Variants in DNMT1 observed in about 807,000 individuals in gnomAD.
DNMT1 encodes DNA (cytosine-5)-methyltransferase 1.
Under a neutral mutation model 205.3 loss-of-function variants are expected in DNMT1, and 24 were observed. The observed-to-expected ratio is 0.12, with a 90% CI of 0.08 to 0.16. The LOEUF is 0.16. Among genes scored for constraint, DNMT1 ranks in the 10% least tolerant of loss-of-function variants. The pLI is 1.00. For synonymous variants in DNMT1, 817 were observed against 839.8 expected, an observed-to-expected ratio of 0.97 and a Z score of 0.47; for missense variants, 1,293 against 2,177.7, an observed-to-expected ratio of 0.59 and a Z score of 8.09.
chr19:10,186,636 C>G (rs532655086), intron 1 of DNMT1, among the ~76,000 whole-genome samples: 1 of 151,662 alleles, frequency 6.6e-6, no homozygotes, highest in African/African-American at 2.4e-5. Flanking sequence ...GTCAGGAGTT[C>G]GAGACCAGCC....
chr19:10,163,888 C>CTA (rs138245654), intron 11 of DNMT1, among the ~76,000 whole-genome samples: 2,324 of 151,460 alleles, frequency 0.015, 25 homozygotes, highest in South Asian at 0.048. Flanking sequence ...GCAAAATATA[C>CTA]TATATATATA....
At position 10,143,785 on chromosome 19, in the gene DNMT1, G is replaced by T. The variant is rs144533539; in HGVS notation, c.3097C>A (p.Arg1033=). 1 of 1,614,126 alleles carries T rather than the reference G, an allele frequency of 6.2e-7. No individual in the cohort carries two copies. The highest frequency in any genetic ancestry group is 1.1e-5 in the South Asian group (1 of 91,078). ...GCTGACCTGTAGAACTTGTTGACCC[G>T]GATTTTGATGTCAGTCTCATTGGGC... ...GRPNETDIKI[R]VNKFYRPENT... is the part of the protein sequence containing the mutation. The change falls in exon 29 of 41, where the codon CGG becomes AGG. Residue 1033 remains arginine (R), a synonymous_variant. Transcript: ENST00000359526.
chr19:10,185,116 T>C (rs1252345862), intron 1 of DNMT1, among the ~76,000 whole-genome samples: 1 of 152,164 alleles, frequency 6.6e-6, no homozygotes, highest in Non-Finnish European at 1.5e-5. Context: ...CCTGACTTGC[T>C]GTGTGGTTAG....
intron 2 of DNMT1, 65 bp from the exon 3 acceptor site, chr19:10,180,950 A>G: frequency 1.5e-6 from 2 of 1,346,358 alleles, no homozygotes; most frequent in South Asian, 2.4e-5. Flanking sequence ...GGACTAATAC[A>G]CAAATTATTG....
At chr19:10,162,612 G>A (rs1357892456) in intron 13 of DNMT1, 55 bp downstream of exon 13, 34 of 1,510,994 alleles carry the variant, frequency 2.3e-5, no homozygotes, top group Middle Eastern at 1.8e-4. Flanking sequence ...GCGAAACCCC[G>A]TCTTGGGGAA....
At position 10,137,679 on chromosome 19, in the gene DNMT1, G is replaced by GA. The variant is rs1264275028; in HGVS notation, c.4293+152dup. On this transcript the variant is annotated intron_variant, in intron 36 of 40. Transcript: ENST00000359526. This position sits in a 1 kb window ranked among gnomAD's most constrained non-coding sequence, Gnocchi z 6.4. ...TCTGACACTTCCCATGACCATGCAAGAGAGACCAGGGGTCACACAAAGGCT... is the reference window on the plus strand; with the variant it reads ...TCTGACACTTCCCATGACCATGCAAGAAGAGACCAGGGGTCACACAAAGGCT... The GA allele has an allele frequency of 3.6e-6, 4 of 1,104,070 alleles. No individual in the cohort carries two copies. Among genetic ancestry groups the GA allele is most frequent in the Non-Finnish European group, 5.3e-6 (4 of 755,944 alleles). The allele number at this position is 1,104,070 out of a possible 1,614,324, so 68.4% of individuals were successfully genotyped here. A position where few individuals can be genotyped will look rare whatever the true frequency, so the allele number is the denominator to read the frequency against.
At chr19:10,144,041 G>A in intron 28 of DNMT1, 54 bp from the exon 29 acceptor site, 1 of 1,568,702 alleles carries the variant, frequency 6.4e-7, no homozygotes, top group African/African-American at 1.4e-5. Context: ...GCAGTGGTCA[G>A]TCAGGCATGA....
intron 1 of DNMT1, among the ~76,000 whole-genome samples, chr19:10,194,333 C>G (rs559762834): frequency 6.6e-6 from 1 of 152,306 alleles, no homozygotes; most frequent in South Asian, 2.1e-4. Flanking sequence ...TCGAGATGCA[C>G]AGCTTTGGGG....
chr19:10,189,828 A>G (rs956706134), intron 1 of DNMT1, among the ~76,000 whole-genome samples: 1 of 152,010 alleles, frequency 6.6e-6, no homozygotes, highest in Non-Finnish European at 1.5e-5. Flanking sequence ...CAGCATCCCC[A>G]CTGTACACAC....
intron 1 of DNMT1, among the ~76,000 whole-genome samples, chr19:10,192,497 CACACCCGTAATCCCA>C (rs550504775): frequency 5.0e-4 from 76 of 151,970 alleles, no homozygotes; most frequent in African/African-American, 1.8e-3. Flanking sequence ...CATGGTGGCT[CACACCCGTAATCCCA>C]ACACTTTGGG....
Position 10,176,071 on chromosome 19 carries a change from G to T in DNMT1, c.570-453C>A, listed in dbSNP as rs140065564. On this transcript the variant is annotated intron_variant, in intron 6 of 40. Transcript: ENST00000359526. ...TAATCCCAGCTACTCAGGAGGCTGA[G>T]GCAGGAGAATCGCTTGAACCTGGGA... Among the ~76,000 whole-genome samples, 456 of 152,216 alleles carry T rather than the reference G, an allele frequency of 3.0e-3. 2 individuals carry two copies. Among genetic ancestry groups the T allele is most frequent in the Admixed American group, 5.7e-3 (87 of 15,256 alleles).
At chr19:10,147,782 C>A (rs754535836) in intron 27 of DNMT1, among the ~76,000 whole-genome samples, 1 of 151,708 alleles carries the variant, frequency 6.6e-6, no homozygotes, top group Admixed American at 6.6e-5. Context: ...AAGTGAGGTA[C>A]GGAGGTTAAA....
rs1434823880 is a variant in DNMT1, at chr19:10,180,570, C to T, written c.226-1G>A. 6.2e-7 allele frequency: 1 copy of T among 1,613,874 alleles called. No homozygotes were observed. The highest frequency in any genetic ancestry group is 1.1e-5 in the South Asian group (1 of 91,074). On this transcript the variant is annotated splice_acceptor_variant, in intron 3 of 40. Transcript: ENST00000359526. LOFTEE classifies it high-confidence loss of function. Reference sequence around the variant, plus strand: ...ATTTGACTTTAGCCAGGTAGCCCTCCTACAGCAGGAAAGGATAATTTAAGT... The same window carrying T: ...ATTTGACTTTAGCCAGGTAGCCCTCTTACAGCAGGAAAGGATAATTTAAGT...
At chr19:10,179,086 G>A (rs961590621) in intron 5 of DNMT1, among the ~76,000 whole-genome samples, 5 of 138,210 alleles carry the variant, frequency 3.6e-5, no homozygotes, top group East Asian at 2.1e-4. Context: ...CCGAGATTGC[G>A]CCACTGCACT....
In DNMT1 at chr19:10,159,765, C is replaced by T. The variant is rs753592646; in HGVS notation, c.1173G>A (p.Val391=). ...LKYGQHPPDA[V]DEPQMLTNEK... ...CATTTGTCAGCATCTGTGGCTCATCCACCTGAAGGACACGGGGCTGGTGAG... is the reference window on the plus strand; with the variant it reads ...CATTTGTCAGCATCTGTGGCTCATCTACCTGAAGGACACGGGGCTGGTGAG... Residue 391 remains valine, a splice_region_variant and synonymous_variant, in exon 17 of 41, where the codon GTG becomes GTA. Transcript: ENST00000359526. The surrounding 1 kb of genome is among the most constrained non-coding windows in gnomAD (Gnocchi z 5.0). 6.2e-7 allele frequency: 1 copy of T among 1,614,236 alleles called. No homozygotes were observed. The highest frequency in any genetic ancestry group is 1.1e-5 in the South Asian group (1 of 91,084).
At position 10,138,036 on chromosome 19, in the gene DNMT1, T is replaced by G; in HGVS notation, c.4116-27A>C. ...TGCAACAGAGGAGGAGGTCAACACCTCTGGAGATGCACGCAGCAGCTGTCC... is the reference window on the plus strand; with the variant it reads ...TGCAACAGAGGAGGAGGTCAACACCGCTGGAGATGCACGCAGCAGCTGTCC... On this transcript the variant is annotated intron_variant, in intron 35 of 40. Coordinates refer to ENST00000359526, the MANE Select transcript of DNMT1 (RefSeq NM_001130823.3). The surrounding 1 kb of genome is among the most constrained non-coding windows in gnomAD (Gnocchi z 4.1). 2 of 1,602,138 alleles carry G rather than the reference T, an allele frequency of 1.2e-6. No individual in the cohort carries two copies. The highest frequency in any genetic ancestry group is 1.7e-6 in the Non-Finnish European group (2 of 1,174,614).
In DNMT1 at chr19:10,143,647, A is replaced by C. The variant is rs1599351686; in HGVS notation, c.3116+119T>G. 3 of 1,157,062 alleles carry C rather than the reference A, an allele frequency of 2.6e-6. No individual in the cohort carries two copies. In the East Asian group the frequency reaches 7.0e-5, roughly 27 times the overall value. The allele number at this position is 1,157,062 out of a possible 1,614,324, so 71.7% of individuals were successfully genotyped here. On this transcript the variant is annotated intron_variant, in intron 29 of 40. Coordinates refer to ENST00000359526, the MANE Select transcript of DNMT1 (RefSeq NM_001130823.3). ...CACCGATAATCAGAAACACTTGGAA[A>C]AACAGCTACTTCAACCTAACTCTTA...
At chr19:10,191,947 G>C (rs533506310) in intron 1 of DNMT1, among the ~76,000 whole-genome samples, 12 of 151,754 alleles carry the variant, frequency 7.9e-5, no homozygotes, top group Non-Finnish European at 1.2e-4. Context: ...TCAGCCTCCC[G>C]AGTAGCTGCG....
rs1277424366 is a variant in DNMT1, at chr19:10,151,979, G to A, written c.2020-132C>T. On this transcript the variant is annotated intron_variant, in intron 22 of 40. Coordinates refer to ENST00000359526, the MANE Select transcript of DNMT1 (RefSeq NM_001130823.3). This position sits in a 1 kb window ranked among gnomAD's most constrained non-coding sequence, Gnocchi z 5.0. Reference sequence around the variant, plus strand: ...ATTGCAGACCAGCCTGGCCAACGTGGTGAAACCCCATCTCTACTAAAAATA... The same window carrying A: ...ATTGCAGACCAGCCTGGCCAACGTGATGAAACCCCATCTCTACTAAAAATA... 16 of 787,382 alleles carry A rather than the reference G, an allele frequency of 2.0e-5. No individual in the cohort carries two copies. Among genetic ancestry groups the A allele is most frequent in the Non-Finnish European group, 3.1e-5 (14 of 457,030 alleles). The allele number at this position is 787,382 out of a possible 1,614,324, so 48.8% of individuals were successfully genotyped here. A position where few individuals can be genotyped will look rare whatever the true frequency, so the allele number is the denominator to read the frequency against.
Sources: gnomAD v4.1 joint callset for allele counts (sites outside exome capture counted in the v4.1 genomes callset) on GRCh38, gnomAD v4.1.1 for gene constraint, Gnocchi (gnomAD v3.1) non-coding constraint, MANE v1.5 for transcripts, NCBI Gene and HGNC (gene_info 2026-07-23, HGNC 2026-07-21) for gene names.